KIAA1328: variants seen among roughly 807,000 people sequenced by gnomAD.
KIAA1328 encodes KIAA1328.
In KIAA1328, 52 loss-of-function variants were observed where a neutral mutation model predicts 68.1. That is an observed-to-expected ratio of 0.76 (90% CI 0.61 to 0.96). KIAA1328 has a LOEUF of 0.96. Among genes scored for constraint, KIAA1328 ranks in the 40% least tolerant of loss-of-function variants. The probability of loss-of-function intolerance (pLI) is 0.00; values close to 1 mark genes in which losing one functional copy is unlikely to be tolerated. For synonymous variants in KIAA1328, 232 were observed against 239.4 expected (o/e 0.97, Z 0.28); for missense variants, 641 against 677.6 (o/e 0.95, Z 0.60).
rs2057052180 is a variant in KIAA1328 at position 37,084,731 on chromosome 18, A to G, written c.1232+17186A>G. On this transcript the variant is annotated intron_variant, in intron 7 of 9. Transcript: ENST00000280020. The stretch of plus-strand genomic sequence containing the variant: ...CCTTGAAGAACATTTCTCTAAATAA[A>G]TGTTTTAAGTTTATCTCTACCTATT... Among the ~76,000 whole-genome samples the G allele has an allele frequency of 3.3e-5, 5 of 152,178 alleles. No individual in the cohort carries two copies. The South Asian group carries it at 1.0e-3, about 31-fold the overall frequency.
intron 9 of KIAA1328, among the ~76,000 whole-genome samples, chr18:37,175,522 T>G (rs1273661832): frequency 6.6e-6 from 1 of 152,106 alleles, no homozygotes; most frequent in Non-Finnish European, 1.5e-5. Flanking sequence ...TAAAACAACA[T>G]GTAGCACACC....
intron 9 of KIAA1328, among the ~76,000 whole-genome samples, chr18:37,203,955 G>T (rs557559629): frequency 6.6e-6 from 1 of 152,030 alleles, no homozygotes; most frequent in African/African-American, 2.4e-5. Flanking sequence ...GACTACAGGC[G>T]CCCGCCACCA....
intron 9 of KIAA1328, among the ~76,000 whole-genome samples, chr18:37,215,505 A>T (rs1271334489): frequency 6.6e-6 from 1 of 152,134 alleles, no homozygotes; most frequent in East Asian, 1.9e-4. Context: ...AGCCAACTTG[A>T]TCGTGGTGGA....
chr18:36,940,701 G>A (rs1395462137), intron 5 of KIAA1328, among the ~76,000 whole-genome samples: 2 of 146,684 alleles, frequency 1.4e-5, no homozygotes, highest in African/African-American at 5.0e-5. Context: ...TTTTGAGACG[G>A]AGTCTCGCTC....
chr18:36,859,004 C>A (rs962023681), intron 4 of KIAA1328, among the ~76,000 whole-genome samples: 7 of 152,032 alleles, frequency 4.6e-5, no homozygotes, highest in African/African-American at 1.7e-4. Context: ...CATTTTTTCC[C>A]CTTGGATTGA....
At chr18:37,046,561 T>G (rs2055477658) in intron 6 of KIAA1328, among the ~76,000 whole-genome samples, 1 of 152,206 alleles carries the variant, frequency 6.6e-6, no homozygotes, top group Non-Finnish European at 1.5e-5. Flanking sequence ...ATGACTAATG[T>G]TAAGGTCATC....
Position 37,075,431 on chromosome 18 carries a change from G to GGT in KIAA1328, c.1232+7886_1232+7887insGT, listed in dbSNP as rs2056687449. ...AGGAAGAAACTGCATCAACTAACGA[G>GGT]CAAAATAACCAGCTAACATCATAAT... On this transcript the variant is annotated intron_variant, in intron 7 of 9. Transcript: ENST00000280020. 3 of 152,266 alleles carry GGT rather than the reference G, an allele frequency of 2.0e-5. 1 individual carries two copies. Among genetic ancestry groups the GGT allele is most frequent in the East Asian group, 3.9e-4 (2 of 5,180 alleles). The allele number at this position is 152,266 out of a possible 1,614,324, so 9.4% of individuals were successfully genotyped here. A position where few individuals can be genotyped will look rare whatever the true frequency, so the allele number is the denominator to read the frequency against.
intron 7 of KIAA1328, among the ~76,000 whole-genome samples, chr18:37,068,928 C>G (rs1343934925): frequency 6.6e-6 from 1 of 152,018 alleles, no homozygotes; most frequent in African/African-American, 2.4e-5. Context: ...GCTCCTGACT[C>G]TGCCTTTTTA....
chr18:36,926,578 C>T (rs1412820344), intron 5 of KIAA1328, among the ~76,000 whole-genome samples: 2 of 152,140 alleles, frequency 1.3e-5, no homozygotes, highest in African/African-American at 4.8e-5. Flanking sequence ...TTTCCATACT[C>T]TACCCTTCAG....
downstream of KIAA1328, chr18:37,229,661 T>A: frequency 1.4e-6 from 1 of 702,000 alleles, no homozygotes; most frequent in Non-Finnish European, 2.1e-6. Flanking sequence ...GATCATGAGG[T>A]CAGGAGATCG....
chr18:37,067,543 T>C lies in KIAA1328; in HGVS notation c.1230T>C (p.Asn410=). 1.3e-6 allele frequency: 2 copies of C among 1,520,886 alleles called. No individual in the cohort carries two copies. Among genetic ancestry groups the C allele is most frequent in the South Asian group, 1.2e-5 (1 of 81,792 alleles). 94.2% of individuals were successfully genotyped at this position (1,520,886 alleles called of 1,614,324 possible). ...QQLHQSRLDY[N]CLLKSNCDGW... ...TTCACCAGTCTCGACTGGATTACAA[T>C]TGGTGAGTACTGCCTGTTCTTTTTT... is the stretch of plus-strand genomic sequence containing the variant. Residue 410 remains asparagine, a splice_region_variant and synonymous_variant, in exon 7 of 10, where the codon AAT becomes AAC. Transcript: ENST00000280020.
intron 7 of KIAA1328, among the ~76,000 whole-genome samples, chr18:37,134,399 T>C (rs2058595501): frequency 6.6e-6 from 1 of 152,186 alleles, no homozygotes; most frequent in Non-Finnish European, 1.5e-5. Context: ...TACTGTAATA[T>C]GTAAATATTT....
At chr18:37,030,894 C>T (rs192761710) in intron 6 of KIAA1328, among the ~76,000 whole-genome samples, 3 of 151,870 alleles carry the variant, frequency 2.0e-5, no homozygotes, top group Non-Finnish European at 4.4e-5. Context: ...CAAGTCTTCT[C>T]ATTGTTCAAT....
chr18:36,954,223 C>T (rs1196720707), intron 5 of KIAA1328, among the ~76,000 whole-genome samples: 2 of 151,932 alleles, frequency 1.3e-5, no homozygotes, highest in Non-Finnish European at 2.9e-5. Flanking sequence ...AGGATGGTCT[C>T]GATCTCCTGA....
At chr18:36,860,569 T>C (rs139602247) in intron 4 of KIAA1328, among the ~76,000 whole-genome samples, 836 of 152,298 alleles carry the variant, frequency 5.5e-3, no homozygotes, top group Non-Finnish European at 9.6e-3. Context: ...TTCTAAACAG[T>C]GCAAGAACGT....
At chr18:37,031,463 A>C (rs181815057) in intron 6 of KIAA1328, among the ~76,000 whole-genome samples, 2 of 152,172 alleles carry the variant, frequency 1.3e-5, no homozygotes, top group African/African-American at 4.8e-5. Context: ...TATACCTAAT[A>C]TGTTATTAAT....
chr18:37,139,690 G>A (rs150000186), intron 7 of KIAA1328, among the ~76,000 whole-genome samples: 194 of 152,242 alleles, frequency 1.3e-3, no homozygotes, highest in African/African-American at 4.4e-3. Flanking sequence ...TAATTTTAAC[G>A]TGAATTTAGT....
chr18:37,118,064 C>T (rs565234812), intron 7 of KIAA1328, among the ~76,000 whole-genome samples: 5 of 150,530 alleles, frequency 3.3e-5, no homozygotes, highest in Admixed American at 1.3e-4. Context: ...GCACAAACAC[C>T]GCTTACTGCA....
At chr18:36,907,816 A>C (rs922101894) in intron 5 of KIAA1328, among the ~76,000 whole-genome samples, 1 of 152,136 alleles carries the variant, frequency 6.6e-6, no homozygotes, top group Non-Finnish European at 1.5e-5. Flanking sequence ...TTTGTATAGA[A>C]TGAGTTTAAT....
Sources: allele counts gnomAD v4.1 joint callset (sites outside exome capture counted in the v4.1 genomes callset), GRCh38; gene constraint gnomAD v4.1.1; transcripts MANE v1.5; gene names NCBI Gene and HGNC (gene_info 2026-07-23, HGNC 2026-07-21).